The following CADPS2 variants were observed in gnomAD, a reference collection of about 807,000 sequenced individuals.
CADPS2 encodes calcium-dependent secretion activator 2.
A neutral mutation model predicts 172.5 loss-of-function variants in CADPS2; 93 were observed. That is an observed-to-expected ratio of 0.54 (90% CI 0.46 to 0.64). The LOEUF is 0.64. Among genes scored for constraint, CADPS2 ranks in the 30% least tolerant of loss-of-function variants. The pLI is 0.00. For missense variants in CADPS2, 1,420 were observed against 1,565.9 expected, an observed-to-expected ratio of 0.91 and a Z score of 1.57; for synonymous variants, 546 against 555.2, an observed-to-expected ratio of 0.98 and a Z score of 0.23.
intron 2 of CADPS2, among the ~76,000 whole-genome samples, chr7:122,690,680 G>C (rs2084230831): frequency 6.6e-6 from 1 of 151,866 alleles, no homozygotes; most frequent in African/African-American, 2.4e-5. Context: ...ATGTGGGTTG[G>C]TGACTAGGTA....
At chr7:122,416,958 C>CA (rs1290963122) in intron 17 of CADPS2, among the ~76,000 whole-genome samples, 4 of 152,124 alleles carry the variant, frequency 2.6e-5, no homozygotes, top group Non-Finnish European at 5.9e-5. Context: ...GATCAGTTCC[C>CA]AATAAGGACA....
At chr7:122,326,256 A>G (rs1279672486) in intron 28 of CADPS2, among the ~76,000 whole-genome samples, 1 of 152,100 alleles carries the variant, frequency 6.6e-6, no homozygotes, top group Non-Finnish European at 1.5e-5. Context: ...TGATCAAATT[A>G]TGAATGAAAA....
chr7:122,683,893 G>C (rs918140070), intron 2 of CADPS2, among the ~76,000 whole-genome samples: 1 of 152,062 alleles, frequency 6.6e-6, no homozygotes, highest in African/African-American at 2.4e-5. Context: ...TGTCTACACT[G>C]TCCTGGTGTG....
intron 2 of CADPS2, among the ~76,000 whole-genome samples, chr7:122,664,485 T>G (rs1337518020): frequency 3.3e-5 from 5 of 151,978 alleles, no homozygotes; most frequent in Non-Finnish European, 5.9e-5. Context: ...GTAGCAAGGG[T>G]TGGGTAAAAA....
At chr7:122,358,446 T>C (rs536459563) in intron 27 of CADPS2, among the ~76,000 whole-genome samples, 3 of 152,276 alleles carry the variant, frequency 2.0e-5, no homozygotes, top group Non-Finnish European at 2.9e-5. Flanking sequence ...AATAAGAGTA[T>C]ACTTATCAAT....
At chr7:122,868,435 C>T (rs1451481502) in intron 1 of CADPS2, among the ~76,000 whole-genome samples, 1 of 152,144 alleles carries the variant, frequency 6.6e-6, no homozygotes, top group African/African-American at 2.4e-5. Flanking sequence ...CTAACCTCTC[C>T]AGCTACATCT....
chr7:122,667,765 T>C (rs992086992), intron 2 of CADPS2, among the ~76,000 whole-genome samples: 3 of 151,400 alleles, frequency 2.0e-5, no homozygotes, highest in African/African-American at 7.3e-5. Flanking sequence ...GAATAACCCA[T>C]GAGCTGTGTG....
chr7:122,452,773 GT>G (rs2053288053), intron 14 of CADPS2, among the ~76,000 whole-genome samples: 1 of 151,958 alleles, frequency 6.6e-6, no homozygotes, highest in South Asian at 2.1e-4. Context: ...AATTTTAATG[GT>G]TATATATAAA....
intron 1 of CADPS2, among the ~76,000 whole-genome samples, chr7:122,867,099 A>T (rs779472954): frequency 6.6e-6 from 1 of 152,106 alleles, no homozygotes; most frequent in Non-Finnish European, 1.5e-5. Context: ...ATCCTGATCA[A>T]CTGCTACCTG....
chr7:122,338,610 T>C (rs1264814881), intron 28 of CADPS2, among the ~76,000 whole-genome samples: 2 of 152,202 alleles, frequency 1.3e-5, no homozygotes, highest in East Asian at 3.8e-4. Flanking sequence ...TGAGTACTTT[T>C]ATATAAAAAT....
chr7:122,727,773 G>A (rs2091255873), intron 2 of CADPS2, among the ~76,000 whole-genome samples: 3 of 151,788 alleles, frequency 2.0e-5, no homozygotes, highest in Non-Finnish European at 4.4e-5. Context: ...ACAACAATAG[G>A]AATCTCAGAC....
chr7:122,734,344 T>C (rs575870823), intron 2 of CADPS2, among the ~76,000 whole-genome samples: 7 of 43,854 alleles, frequency 1.6e-4, no homozygotes, highest in Non-Finnish European at 2.6e-4. Flanking sequence ...AACGATAGCA[T>C]GCCAGAAATA....
chr7:122,418,055 A>G (rs2048131702), intron 17 of CADPS2, among the ~76,000 whole-genome samples: 1 of 152,054 alleles, frequency 6.6e-6, no homozygotes, highest in Non-Finnish European at 1.5e-5. Context: ...GTGTAATCTC[A>G]GCTACTCAGG....
At chr7:122,361,490 C>T (rs183142745) in intron 25 of CADPS2, among the ~76,000 whole-genome samples, 1,705 of 152,028 alleles carry the variant, frequency 0.011, 23 homozygotes, top group Non-Finnish European at 0.014. Context: ...CCTTGGCCTC[C>T]CAAAGTACTG....
At chr7:122,739,271 C>G (rs901154370) in intron 1 of CADPS2, among the ~76,000 whole-genome samples, 2 of 152,174 alleles carry the variant, frequency 1.3e-5, no homozygotes, top group African/African-American at 4.8e-5. Context: ...CCTTACTGAT[C>G]ACTTGTGCCA....
chr7:122,677,444 G>T (rs765898492), intron 2 of CADPS2, among the ~76,000 whole-genome samples: 7 of 152,206 alleles, frequency 4.6e-5, no homozygotes, highest in Admixed American at 6.5e-5. Context: ...AGGTGCCTGA[G>T]GAGGACGGGT....
intron 2 of CADPS2, among the ~76,000 whole-genome samples, chr7:122,713,006 C>A (rs529100238): frequency 4.1e-4 from 62 of 152,040 alleles, no homozygotes; most frequent in African/African-American, 1.4e-3. Context: ...ACGGCACACA[C>A]AAAAATAAAT....
intron 17 of CADPS2, among the ~76,000 whole-genome samples, chr7:122,435,344 A>C (rs1371926833): frequency 6.6e-6 from 1 of 152,168 alleles, no homozygotes; most frequent in Admixed American, 6.6e-5. Context: ...ATGAAAAAAG[A>C]AACTGAATAG....
chr7:122,571,907 T>C (rs1363795830), intron 7 of CADPS2, among the ~76,000 whole-genome samples: 1 of 152,162 alleles, frequency 6.6e-6, no homozygotes, highest in African/African-American at 2.4e-5. Flanking sequence ...TTAAAGATGT[T>C]TTATTGAATA....
Sources: allele counts gnomAD v4.1 joint callset (sites outside exome capture counted in the v4.1 genomes callset), GRCh38; gene constraint gnomAD v4.1.1; transcripts MANE v1.5; gene names NCBI Gene and HGNC (gene_info 2026-07-23, HGNC 2026-07-21).